SH3BGRL2: variants seen among roughly 807,000 people sequenced by gnomAD.
SH3BGRL2 encodes SH3 domain binding glutamate rich protein like 2.
In SH3BGRL2, 21 loss-of-function variants were observed where a neutral mutation model predicts 14.8. The observed-to-expected ratio is 1.42, with a 90% confidence interval of 1.01 to 2.05. SH3BGRL2 has a LOEUF of 2.05. SH3BGRL2 is among the 30% of genes most tolerant of loss of function. SH3BGRL2 has a pLI of 0.00. For synonymous variants in SH3BGRL2, 50 were observed against 47.8 expected (o/e 1.05, Z -0.19); for missense variants, 147 against 130.8 (o/e 1.12, Z -0.61).
chr6:79,622,541 C>A, the SH3BGRL2 span, among the ~76,000 whole-genome samples: 2 of 152,182 alleles, frequency 1.3e-5, no homozygotes, highest in Non-Finnish European at 2.9e-5. Flanking sequence ...TCACTCATGA[C>A]CTTTGTGCTT....
At chr6:79,571,566 C>T in the SH3BGRL2 span, among the ~76,000 whole-genome samples, 2 of 152,048 alleles carry the variant, frequency 1.3e-5, no homozygotes. Flanking sequence ...TATACATGCA[C>T]ACTGTAAAAT....
chr6:79,555,635 G>A, the SH3BGRL2 span, among the ~76,000 whole-genome samples: 1 of 151,984 alleles, frequency 6.6e-6, no homozygotes, highest in African/African-American at 2.4e-5. Flanking sequence ...CTCACCTTCC[G>A]AGTAGCTGGG....
the SH3BGRL2 span, among the ~76,000 whole-genome samples, chr6:79,612,386 A>G: frequency 6.6e-6 from 1 of 152,208 alleles, no homozygotes; most frequent in Non-Finnish European, 1.5e-5. Context: ...TCTCCCAATT[A>G]TACCCTACAG....
chr6:79,552,569 GGT>G, the SH3BGRL2 span, among the ~76,000 whole-genome samples: 2 of 152,090 alleles, frequency 1.3e-5, no homozygotes, highest in Admixed American at 1.3e-4. Context: ...GGTATAATGA[GGT>G]GTGTCTGACC....
chr6:79,675,314 G>A (rs759149965), intron 2 of SH3BGRL2, among the ~76,000 whole-genome samples: 6 of 152,098 alleles, frequency 3.9e-5, no homozygotes, highest in African/African-American at 9.7e-5. Context: ...TCTGGTTTTC[G>A]CTGCTACGAT....
intron 1 of SH3BGRL2, among the ~76,000 whole-genome samples, chr6:79,641,771 A>G (rs1485805292): frequency 2.0e-5 from 3 of 152,216 alleles, no homozygotes; most frequent in Admixed American, 6.5e-5. Context: ...AAAAATCACA[A>G]TGACCTTGAA....
chr6:79,548,526 A>G, the SH3BGRL2 span, among the ~76,000 whole-genome samples: 1 of 152,118 alleles, frequency 6.6e-6, no homozygotes, highest in East Asian at 1.9e-4. Flanking sequence ...TTATCCTTCT[A>G]GTGTTCGCCA....
At chr6:79,597,305 AAAAG>A in the SH3BGRL2 span, among the ~76,000 whole-genome samples, 32 of 148,740 alleles carry the variant, frequency 2.2e-4, no homozygotes, top group South Asian at 6.4e-4. Flanking sequence ...AAAGAGAGAG[AAAAG>A]AAAGAAAGAG....
the SH3BGRL2 span, among the ~76,000 whole-genome samples, chr6:79,538,810 A>G: frequency 6.6e-6 from 1 of 152,238 alleles, no homozygotes; most frequent in Non-Finnish European, 1.5e-5. Context: ...AGGCAGTGTA[A>G]TCTCATTCCA....
At chr6:79,547,902 G>C in the SH3BGRL2 span, among the ~76,000 whole-genome samples, 2 of 152,152 alleles carry the variant, frequency 1.3e-5, no homozygotes, top group African/African-American at 4.8e-5. Context: ...GTCTCACCCT[G>C]TTGCCCAGGC....
At chr6:79,673,531 A>G in intron 1 of SH3BGRL2, 83 bp from the exon 2 acceptor site, 1 of 1,354,736 alleles carries the variant, frequency 7.4e-7, no homozygotes, top group Non-Finnish European at 1.0e-6. Flanking sequence ...TGTATCAATG[A>G]CATAAATCTA....
the SH3BGRL2 span, among the ~76,000 whole-genome samples, chr6:79,609,671 G>A: frequency 1.3e-5 from 2 of 152,156 alleles, no homozygotes; most frequent in East Asian, 3.9e-4. Context: ...TTCATACACA[G>A]TAGATACAAT....
At chr6:79,668,711 A>G (rs1769712285) in intron 1 of SH3BGRL2, among the ~76,000 whole-genome samples, 1 of 152,174 alleles carries the variant, frequency 6.6e-6, no homozygotes, top group Non-Finnish European at 1.5e-5. Context: ...ACAATTTAAT[A>G]AAACCATTTG....
intron 1 of SH3BGRL2, among the ~76,000 whole-genome samples, chr6:79,633,114 A>G (rs903591755): frequency 3.9e-5 from 6 of 152,170 alleles, no homozygotes; most frequent in African/African-American, 1.4e-4. Context: ...CCATTGGCAA[A>G]TATTTATTGC....
At chr6:79,690,675 G>T (rs557963862) in intron 2 of SH3BGRL2, among the ~76,000 whole-genome samples, 1 of 152,146 alleles carries the variant, frequency 6.6e-6, no homozygotes, top group Non-Finnish European at 1.5e-5. Context: ...TCACATCCAC[G>T]GTTGACTAAA....
Position 79,631,431 on chromosome 6 carries a change from G to A in SH3BGRL2, c.-31G>A, listed in dbSNP as rs1009095862. On this transcript the variant is annotated 5_prime_UTR_variant, in exon 1 of 4. Coordinates refer to ENST00000369838, the MANE Select transcript of SH3BGRL2 (RefSeq NM_031469.4). ...TCCACGCCAGCCCGGAGCCCGGGGG[G>A]CAAGGGGTCTGTCCCGGGCGCAGCG... The A allele has an allele frequency of 5.3e-6, 8 of 1,514,500 alleles. No homozygotes were observed. The South Asian group carries it at 9.0e-5, about 17-fold the overall frequency. 93.8% of individuals were successfully genotyped at this position (1,514,500 alleles called of 1,614,324 possible).
chr6:79,600,763 T>C, the SH3BGRL2 span, among the ~76,000 whole-genome samples: 1 of 152,220 alleles, frequency 6.6e-6, no homozygotes, highest in Non-Finnish European at 1.5e-5. Context: ...TCTTCCTTAA[T>C]GCTGAGAAAA....
the SH3BGRL2 span, among the ~76,000 whole-genome samples, chr6:79,583,363 C>G: frequency 6.6e-6 from 1 of 152,168 alleles, no homozygotes; most frequent in East Asian, 1.9e-4. Flanking sequence ...TTTACAATAG[C>G]AAAGACTTGG....
chr6:79,590,424 GATATAT>G, the SH3BGRL2 span, among the ~76,000 whole-genome samples: 827 of 66,656 alleles, frequency 0.012, 4 homozygotes, highest in African/African-American at 0.031. Flanking sequence ...AAGAAAATGT[GATATAT>G]ATATATATAT....
Sources: allele counts gnomAD v4.1 joint callset (sites outside exome capture counted in the v4.1 genomes callset), GRCh38; gene constraint gnomAD v4.1.1; transcripts MANE v1.5; gene names NCBI Gene and HGNC (gene_info 2026-07-23, HGNC 2026-07-21).